The following CFAP54 variants were observed in gnomAD, a reference collection of about 807,000 sequenced individuals.
The protein encoded by CFAP54 is cilia and flagella associated protein 54, also known as cilia- and flagella-associated protein 54.
Under a neutral mutation model 370.4 loss-of-function variants are expected in CFAP54, and 290 were observed. The observed-to-expected ratio is 0.78, with a 90% CI of 0.71 to 0.86. The LOEUF (loss-of-function observed/expected upper bound fraction) is 0.86, where lower values mean the gene tolerates loss of function less well. Among genes scored for constraint, CFAP54 ranks in the 40% least tolerant of loss-of-function variants. CFAP54 has a pLI of 0.00. For missense variants in CFAP54, 3,399 were observed against 3,528.7 expected, an observed-to-expected ratio of 0.96 and a Z score of 0.93; for synonymous variants, 1,206 against 1,236.5, an observed-to-expected ratio of 0.98 and a Z score of 0.52.
At chr12:96,508,681 A>G (rs1592820865) in intron 4 of CFAP54, among the ~76,000 whole-genome samples, 3 of 147,434 alleles carry the variant, frequency 2.0e-5, no homozygotes, top group Middle Eastern at 7.1e-3. Context: ...TTTAATACAC[A>G]TGGCATTGTG....
chr12:96,551,485 ATGTGTGTGTGTGTGTGTGTGTG>A (rs10582056), intron 15 of CFAP54, among the ~76,000 whole-genome samples: 1,699 of 143,868 alleles, frequency 0.012, 24 homozygotes, highest in Middle Eastern at 0.025. Flanking sequence ...TTGAATGGGT[ATGTGTGTGTGTGTGTGTGTGTG>A]TGTGTGTGTG....
intron 20 of CFAP54, 63 bp from the exon 21 acceptor site, chr12:96,580,533 AT>A (rs550226480): frequency 3.4e-4 from 291 of 859,470 alleles, no homozygotes; most frequent in South Asian, 6.7e-4. Context: ...TTAGAAAAGT[AT>A]TTTTTTTGTT....
At chr12:96,807,121 T>C (rs1008328340) in intron 63 of CFAP54, among the ~76,000 whole-genome samples, 1 of 152,200 alleles carries the variant, frequency 6.6e-6, no homozygotes, top group African/African-American at 2.4e-5. Flanking sequence ...CTTCTCTTGG[T>C]ACCACCCAAG....
intron 62 of CFAP54, among the ~76,000 whole-genome samples, chr12:96,791,888 C>T (rs570905448): frequency 2.4e-4 from 35 of 148,746 alleles, no homozygotes; most frequent in East Asian, 1.8e-3. Flanking sequence ...CTTGCCCTCT[C>T]GCCCAATCTG....
chr12:96,674,655 G>A (rs1957184099), intron 39 of CFAP54, among the ~76,000 whole-genome samples: 2 of 152,040 alleles, frequency 1.3e-5, no homozygotes, highest in Admixed American at 6.6e-5. Context: ...ACACAAAGAG[G>A]AATTATTTAT....
chr12:96,790,114 G>C (rs1334041186), intron 62 of CFAP54, among the ~76,000 whole-genome samples: 1 of 152,110 alleles, frequency 6.6e-6, no homozygotes, highest in Non-Finnish European at 1.5e-5. Flanking sequence ...TCGGAGCTTT[G>C]TGATGGAAAA....
chr12:96,595,882 TG>T (rs1956172751), intron 25 of CFAP54, among the ~76,000 whole-genome samples: 1 of 152,142 alleles, frequency 6.6e-6, no homozygotes, highest in Non-Finnish European at 1.5e-5. Context: ...ATATTTAATG[TG>T]GCAGCCCTCT....
At chr12:96,867,348 A>T (rs577321384) in intron 67 of CFAP54, among the ~76,000 whole-genome samples, 3 of 152,210 alleles carry the variant, frequency 2.0e-5, no homozygotes, top group Non-Finnish European at 4.4e-5. Flanking sequence ...AGTGACACTT[A>T]GGCAGTCCTT....
intron 64 of CFAP54, among the ~76,000 whole-genome samples, chr12:96,817,499 C>A (rs1958988957): frequency 6.6e-6 from 1 of 151,834 alleles, no homozygotes; most frequent in Admixed American, 6.6e-5. Context: ...CCGCTCACTG[C>A]AAGCTCTGCC....
chr12:96,701,724 G>T (rs1320662537), intron 46 of CFAP54, among the ~76,000 whole-genome samples: 3 of 152,166 alleles, frequency 2.0e-5, no homozygotes, highest in African/African-American at 4.8e-5. Flanking sequence ...AGGGATGCTT[G>T]CAAGATGTGG....
chr12:96,837,595 G>A (rs1034260151), intron 66 of CFAP54, among the ~76,000 whole-genome samples: 1 of 152,144 alleles, frequency 6.6e-6, no homozygotes, highest in African/African-American at 2.4e-5. Context: ...TCAGTACTTT[G>A]CCCAGTGTTT....
chr12:96,623,417 G>A (rs945860919), intron 27 of CFAP54, among the ~76,000 whole-genome samples: 2 of 152,188 alleles, frequency 1.3e-5, no homozygotes, highest in Non-Finnish European at 2.9e-5. Context: ...ACATTTCTGA[G>A]GGCAGGCTGG....
At chr12:96,671,657 T>A (rs946647633) in intron 39 of CFAP54, among the ~76,000 whole-genome samples, 2 of 151,868 alleles carry the variant, frequency 1.3e-5, no homozygotes, top group East Asian at 1.9e-4. Flanking sequence ...CGTGGTGGCT[T>A]ACGCCTGTAA....
intron 1 of CFAP54, among the ~76,000 whole-genome samples, chr12:96,499,158 G>A (rs1159825432): frequency 6.6e-6 from 1 of 151,822 alleles, no homozygotes; most frequent in African/African-American, 2.4e-5. Flanking sequence ...TAGTAGAGAC[G>A]GGGTTTCACC....
intron 60 of CFAP54, among the ~76,000 whole-genome samples, chr12:96,784,515 A>T (rs558762781): frequency 6.6e-6 from 1 of 152,098 alleles, no homozygotes; most frequent in Non-Finnish European, 1.5e-5. Context: ...ATATATATAT[A>T]TTTTAAATAT....
In CFAP54 at chr12:96,679,624, T is replaced by A. The variant is rs115950252; in HGVS notation, c.5588T>A (p.Val1863Asp). The A allele has an allele frequency of 1.9e-6, 3 of 1,613,194 alleles. No individual in the cohort carries two copies. The highest frequency in any genetic ancestry group is 2.7e-5 in the African/African-American group (2 of 75,012). ...SSEYSRAKAL[V>D]CVPVDVTDTL... ...GAATACAGCCGAGCCAAAGCGCTTG[T>A]CTGCGTGCCCGTGGACGTGACAGAC... The change falls in exon 40 of 68, where the codon GTC becomes GAC. Residue 1863 changes from valine to aspartate, a missense_variant. By Grantham distance (152) the Val-to-Asp change is radical (BLOSUM62 -3). Around this residue, in one of 3 missense-constraint regions of CFAP54, gnomAD observed 2,796 missense variants for 2,869.7 expected, o/e 0.97. Coordinates refer to ENST00000524981, the MANE Select transcript of CFAP54 (RefSeq NM_001306084.2).
intron 19 of CFAP54, among the ~76,000 whole-genome samples, chr12:96,565,428 C>A (rs2136411595): frequency 6.6e-6 from 1 of 151,878 alleles, no homozygotes; most frequent in East Asian, 1.9e-4. Flanking sequence ...AGAGTCAGAC[C>A]CTTAGTATGC....
At chr12:96,725,786 C>T (rs1307745614) in intron 50 of CFAP54, among the ~76,000 whole-genome samples, 1 of 152,208 alleles carries the variant, frequency 6.6e-6, no homozygotes, top group African/African-American at 2.4e-5. Flanking sequence ...AGTTTTTGCC[C>T]ATTCAGTATG....
At chr12:96,844,342 A>G (rs1592804826) in intron 66 of CFAP54, among the ~76,000 whole-genome samples, 2 of 152,164 alleles carry the variant, frequency 1.3e-5, no homozygotes, top group African/African-American at 4.8e-5. Flanking sequence ...AAGCAGAGAC[A>G]GGAGTGATGA....
Sources: gnomAD v4.1 joint callset for allele counts (sites outside exome capture counted in the v4.1 genomes callset) on GRCh38, gnomAD v4.1.1 for gene constraint, gnomAD v4.1.1 regional missense constraint, MANE v1.5 for transcripts, NCBI Gene and HGNC (gene_info 2026-07-23, HGNC 2026-07-21) for gene names.